TBCK: variants seen among roughly 807,000 people sequenced by gnomAD.
TBCK encodes the protein TBC1 domain containing kinase, also known as TBC domain-containing protein kinase-like protein.
A neutral mutation model predicts 113.4 loss-of-function variants in TBCK; 99 were observed. The observed-to-expected ratio is 0.87, with a 90% confidence interval of 0.74 to 1.03. The LOEUF is 1.03. TBCK is among the 50% of genes least tolerant of loss of function. TBCK has a pLI of 0.00. For missense variants in TBCK, 1,045 were observed against 1,061.3 expected (o/e 0.98, Z 0.21); for synonymous variants, 369 against 370.8 (o/e 1.00, Z 0.05).
chr4:106,311,454 CAT>C (rs1171862393), intron 1 of TBCK, among the ~76,000 whole-genome samples: 1 of 151,656 alleles, frequency 6.6e-6, no homozygotes, highest in African/African-American at 2.4e-5. Context: ...AAAAAAGTAA[CAT>C]AAAATATTCC....
chr4:106,309,415 C>A (rs1579594404), intron 1 of TBCK, among the ~76,000 whole-genome samples: 1 of 147,870 alleles, frequency 6.8e-6, no homozygotes, highest in East Asian at 2.1e-4. Context: ...CGGGTTCAAG[C>A]AATTCTCCTT....
chr4:106,257,685 T>C (rs1247001582), intron 5 of TBCK, among the ~76,000 whole-genome samples: 2 of 152,040 alleles, frequency 1.3e-5, no homozygotes, highest in Non-Finnish European at 2.9e-5. Flanking sequence ...GTGATATCTC[T>C]AGAAACAGCT....
At chr4:106,201,780 T>C (rs1236140969) in intron 20 of TBCK, among the ~76,000 whole-genome samples, 1 of 152,078 alleles carries the variant, frequency 6.6e-6, no homozygotes, top group Non-Finnish European at 1.5e-5. Context: ...TCCCTTTCTA[T>C]TGATTTTCTT....
chr4:106,084,978 G>C (rs970258933), intron 25 of TBCK, among the ~76,000 whole-genome samples: 2 of 152,038 alleles, frequency 1.3e-5, no homozygotes, highest in African/African-American at 2.4e-5. Flanking sequence ...ACCAGTGCCA[G>C]CCACTGCAAA....
rs375702170 is a variant in TBCK, at chr4:106,143,901, C to T, written c.2235+27194G>A. On this transcript the variant is annotated intron_variant, in intron 23 of 25. Coordinates refer to ENST00000394708, the MANE Select transcript of TBCK (RefSeq NM_001163435.3). ...TGCACTTCATCCCGGGCAACAAGAG[C>T]GAAACTCTGTCTAAAAAAAAAAAAA... Among the ~76,000 whole-genome samples the T allele has an allele frequency of 2.6e-4, 38 of 144,868 alleles. No individual in the cohort carries two copies. The East Asian group carries it at 3.2e-3, about 12-fold the overall frequency.
At chr4:106,308,461 A>G (rs1382267034) in intron 2 of TBCK, among the ~76,000 whole-genome samples, 1 of 152,220 alleles carries the variant, frequency 6.6e-6, no homozygotes, top group African/African-American at 2.4e-5. Flanking sequence ...CTTGGCTGGC[A>G]TGAAGGGTTA....
Position 106,044,586 on chromosome 4 carries a change from T to A in TBCK, c.*1984A>T, listed in dbSNP as rs566187409. The A allele has an allele frequency of 6.6e-6, 1 of 152,162 alleles. No individual in the cohort carries two copies. The highest frequency in any genetic ancestry group is 1.5e-5 in the Non-Finnish European group (1 of 68,038). The allele number at this position is 152,162 out of a possible 1,614,324, so 9.4% of individuals were successfully genotyped here. On this transcript the variant is annotated 3_prime_UTR_variant, in exon 26 of 26. Transcript: ENST00000394708. ...GGGTCCTGGGACAACTGGATACTCA[T>A]ATGCAAGAATGAACCTGGACCCCTC...
At chr4:106,198,195 AAGTT>A (rs1283395534) in intron 20 of TBCK, among the ~76,000 whole-genome samples, 2 of 152,190 alleles carry the variant, frequency 1.3e-5, no homozygotes, top group African/African-American at 2.4e-5. Context: ...TGCCTTGGTC[AAGTT>A]AGTTAACCTC....
intron 23 of TBCK, among the ~76,000 whole-genome samples, chr4:106,122,107 A>C (rs1426693244): frequency 6.6e-6 from 1 of 152,148 alleles, no homozygotes; most frequent in Non-Finnish European, 1.5e-5. Flanking sequence ...GAAAGGATCA[A>C]CAAAATTGAT....
chr4:106,067,091 A>G (rs1262543107), intron 25 of TBCK, among the ~76,000 whole-genome samples: 1 of 152,104 alleles, frequency 6.6e-6, no homozygotes, highest in Non-Finnish European at 1.5e-5. Flanking sequence ...AAGTGCCAAA[A>G]TATTTTCTAT....
intron 23 of TBCK, among the ~76,000 whole-genome samples, chr4:106,154,837 T>C (rs1183058912): frequency 2.0e-5 from 3 of 152,160 alleles, no homozygotes; most frequent in Non-Finnish European, 2.9e-5. Context: ...AATGGGCAAA[T>C]ACATTATTTG....
intron 3 of TBCK, among the ~76,000 whole-genome samples, chr4:106,287,922 T>C (rs556566948): frequency 6.6e-6 from 1 of 152,162 alleles, no homozygotes; most frequent in Non-Finnish European, 1.5e-5. Flanking sequence ...TAAATTTTTA[T>C]TGTTGTTTTA....
chr4:106,071,286 TG>T (rs1737399524), intron 25 of TBCK, among the ~76,000 whole-genome samples: 5 of 152,226 alleles, frequency 3.3e-5, no homozygotes, highest in Admixed American at 6.5e-5. Flanking sequence ...CCAGAGGTTT[TG>T]GTATGTTGCG....
intron 25 of TBCK, among the ~76,000 whole-genome samples, chr4:106,093,188 T>G (rs1242659195): frequency 2.6e-5 from 4 of 152,218 alleles, no homozygotes; most frequent in Non-Finnish European, 5.9e-5. Flanking sequence ...GTTTCATCAT[T>G]AAGAATGACT....
intron 11 of TBCK, among the ~76,000 whole-genome samples, chr4:106,243,433 A>T (rs1760402886): frequency 6.6e-6 from 1 of 152,214 alleles, no homozygotes. Flanking sequence ...TCAATAAATT[A>T]CTTTTAAGAA....
At chr4:106,205,182 G>T (rs1755330785) in intron 20 of TBCK, among the ~76,000 whole-genome samples, 1 of 152,104 alleles carries the variant, frequency 6.6e-6, no homozygotes, top group African/African-American at 2.4e-5. Flanking sequence ...AAATTGGTCG[G>T]TTCCCAATAC....
intron 23 of TBCK, among the ~76,000 whole-genome samples, chr4:106,130,631 A>ACACAC (rs1560695149): frequency 7.7e-6 from 1 of 130,026 alleles, no homozygotes; most frequent in African/African-American, 2.9e-5. Context: ...CACACACACC[A>ACACAC]CACAGAAACT....
intron 24 of TBCK, among the ~76,000 whole-genome samples, chr4:106,106,566 A>C (rs1181872816): frequency 6.6e-6 from 1 of 152,242 alleles, no homozygotes; most frequent in Non-Finnish European, 1.5e-5. Flanking sequence ...GTGAAGAAGA[A>C]ATAAGATCCT....
chr4:106,196,295 T>C (rs1754229107), intron 20 of TBCK, among the ~76,000 whole-genome samples: 1 of 151,770 alleles, frequency 6.6e-6, no homozygotes, highest in South Asian at 2.1e-4. Flanking sequence ...AAAAGTAGAG[T>C]AAAAATCTCC....
Sources: allele counts gnomAD v4.1 joint callset (sites outside exome capture counted in the v4.1 genomes callset), GRCh38; gene constraint gnomAD v4.1.1; transcripts MANE v1.5; gene names NCBI Gene and HGNC (gene_info 2026-07-23, HGNC 2026-07-21).